FOXP4: variants seen among roughly 807,000 people sequenced by gnomAD.
FOXP4 encodes the protein forkhead box P4, also known as forkhead box protein P4.
In FOXP4, 25 loss-of-function variants were observed where a neutral mutation model predicts 82.6. The ratio of observed to expected loss-of-function variants is 0.30; its 90% confidence interval spans 0.22 to 0.42. The LOEUF is 0.42. FOXP4 is among the 10% of genes least tolerant of loss of function. FOXP4 has a pLI of 1.00. For synonymous variants in FOXP4, 415 were observed against 388.2 expected (o/e 1.07, Z -0.81); for missense variants, 785 against 900.9 (o/e 0.87, Z 1.65).
At position 41,600,492 on chromosome 6, in the gene FOXP4, A is replaced by G. The variant is rs1161234008; in HGVS notation, c.*1556A>G. 6.6e-6 allele frequency: 1 copy of G among 152,254 alleles called. No individual in the cohort carries two copies. The highest frequency in any genetic ancestry group is 1.5e-5 in the Non-Finnish European group (1 of 68,038). The allele number at this position is 152,254 out of a possible 1,614,324, so 9.4% of individuals were successfully genotyped here. On this transcript the variant is annotated 3_prime_UTR_variant, in exon 17 of 17. Transcript: ENST00000307972. The stretch of plus-strand genomic sequence containing the variant: ...TGAGAAGACTCCTTGGATATTTCCC[A>G]AGAACCCCCCACATACACCCCTCAC...
intron 2 of FOXP4, among the ~76,000 whole-genome samples, chr6:41,568,974 G>A (rs1765033723): frequency 1.3e-5 from 2 of 152,176 alleles, no homozygotes; most frequent in Admixed American, 6.5e-5. Flanking sequence ...GCTGGGGGGT[G>A]ACCTGGCTTG....
At position 41,602,014 on chromosome 6, in the gene FOXP4, A is replaced by C. The variant is rs889078170; in HGVS notation, c.*3078A>C. The C allele has an allele frequency of 6.6e-6, 1 of 151,660 alleles. No homozygotes were observed. The highest frequency in any genetic ancestry group is 2.4e-5 in the African/African-American group (1 of 41,222). 9.4% of individuals were successfully genotyped at this position (151,660 alleles called of 1,614,324 possible). On this transcript the variant is annotated 3_prime_UTR_variant, in exon 17 of 17. Transcript: ENST00000307972. The stretch of plus-strand genomic sequence containing the variant: ...GGTGAGTCTTTGCTGACCTCTCTCT[A>C]CTCTCAGGCATGTCTTTTGTCCTTT...
chr6:41,568,254 G>T (rs1764993650), intron 2 of FOXP4, among the ~76,000 whole-genome samples: 1 of 152,162 alleles, frequency 6.6e-6, no homozygotes, highest in Non-Finnish European at 1.5e-5. Context: ...TTTCGTCTCT[G>T]GTGCTTTGGG....
At chr6:41,588,620 TCTC>T (rs1268757839) in intron 8 of FOXP4, 21 bp from the exon 9 acceptor site, 3 of 1,613,100 alleles carry the variant, frequency 1.9e-6, no homozygotes, top group Non-Finnish European at 2.5e-6. Context: ...GCCAACTTTC[TCTC>T]CTCCTCTCTT....
chr6:41,574,946 G>A (rs972666065), intron 2 of FOXP4, among the ~76,000 whole-genome samples: 4 of 150,578 alleles, frequency 2.7e-5, no homozygotes, highest in Non-Finnish European at 4.4e-5. Flanking sequence ...CTTATCATTC[G>A]TGTTTTGTTT....
intron 1 of FOXP4, among the ~76,000 whole-genome samples, chr6:41,563,891 C>T (rs1764731628): frequency 6.6e-6 from 1 of 152,152 alleles, no homozygotes; most frequent in Admixed American, 6.5e-5. Context: ...ATCCATAGGT[C>T]CTGCAGGACA....
At chr6:41,575,542 AG>A (rs1482275445) in intron 2 of FOXP4, among the ~76,000 whole-genome samples, 2 of 94,500 alleles carry the variant, frequency 2.1e-5, no homozygotes, top group African/African-American at 8.2e-5. Flanking sequence ...GGTTGTGGGT[AG>A]GGGGTGTAGG....
intron 1 of FOXP4, among the ~76,000 whole-genome samples, chr6:41,551,641 C>T (rs112183149): frequency 3.6e-4 from 55 of 152,244 alleles, no homozygotes; most frequent in East Asian, 9.6e-4. Flanking sequence ...GAAAATGGGG[C>T]GACATAGTGG....
Position 41,585,414 on chromosome 6 carries a change from C to G in FOXP4, c.424-17C>G. 1 of 1,612,800 alleles carries G rather than the reference C, an allele frequency of 6.2e-7. No individual in the cohort carries two copies. The highest frequency in any genetic ancestry group is 1.7e-5 in the Admixed American group (1 of 59,894). Reference sequence around the variant, plus strand: ...TAGCAGTACCCTGCCAGTGGTAACCCTCCTCCACCCCCCCAGCTACAGGAG... The same window carrying G: ...TAGCAGTACCCTGCCAGTGGTAACCGTCCTCCACCCCCCCAGCTACAGGAG... On this transcript the variant is annotated splice_polypyrimidine_tract_variant and intron_variant, in intron 4 of 16. Transcript: ENST00000307972.
chr6:41,576,045 C>T (rs972969577), intron 2 of FOXP4, among the ~76,000 whole-genome samples: 1 of 149,428 alleles, frequency 6.7e-6, no homozygotes. Context: ...CTTCCTCACC[C>T]GCAACCCCCC....
chr6:41,552,564 CAG>C (rs932036255), intron 1 of FOXP4, among the ~76,000 whole-genome samples: 12 of 152,294 alleles, frequency 7.9e-5, no homozygotes, highest in African/African-American at 2.6e-4. Context: ...ATTGTTCCCT[CAG>C]TGAGTTTTTA....
chr6:41,578,542 C>A (rs759987649), intron 3 of FOXP4, among the ~76,000 whole-genome samples: 7 of 152,018 alleles, frequency 4.6e-5, no homozygotes, highest in Admixed American at 3.3e-4. Context: ...TATCCTCCCC[C>A]CTTATCCCTC....
In FOXP4 at chr6:41,587,122, C is replaced by T. The variant is rs968521489; in HGVS notation, c.624C>T (p.Asn208=). ...AGGGGCTGGTCAGCCTGCAGCCCAA[C>T]CAAGCCTCGGGGCCCCTCCAGACCC... ...QRQGLVSLQP[N]QASGPLQTLP... The change falls in exon 6 of 17, where the codon AAC becomes AAT. Residue 208 remains asparagine (N), a synonymous_variant. Transcript: ENST00000307972. 1.2e-5 allele frequency: 19 copies of T among 1,608,300 alleles called. No homozygotes were observed. In the African/African-American group the frequency reaches 2.5e-4, roughly 21 times the overall value.
chr6:41,553,665 C>T (rs1764122284), intron 1 of FOXP4, among the ~76,000 whole-genome samples: 1 of 152,180 alleles, frequency 6.6e-6, no homozygotes, highest in Non-Finnish European at 1.5e-5. Context: ...CCAGGGGCTT[C>T]TGGTGAGAAA....
chr6:41,582,424 G>GTTAGCC (rs1562033795), intron 3 of FOXP4, among the ~76,000 whole-genome samples: 1 of 152,274 alleles, frequency 6.6e-6, no homozygotes, highest in Admixed American at 6.5e-5. Context: ...CCAAATCCCA[G>GTTAGCC]TTAGCCGACC....
chr6:41,559,816 T>TCACCATC (rs1764466232), intron 1 of FOXP4, among the ~76,000 whole-genome samples: 1 of 152,212 alleles, frequency 6.6e-6, no homozygotes, highest in Non-Finnish European at 1.5e-5. Flanking sequence ...CAGCATCACC[T>TCACCATC]AGGAACTTCT....
At chr6:41,563,703 G>T (rs1764719151) in intron 1 of FOXP4, among the ~76,000 whole-genome samples, 1 of 152,208 alleles carries the variant, frequency 6.6e-6, no homozygotes, top group African/African-American at 2.4e-5. Context: ...GGCTTGCTCT[G>T]TCAGGTGCCA....
chr6:41,591,367 A>G lies in FOXP4; in HGVS notation c.1536+45A>G. 6.8e-7 allele frequency: 1 copy of G among 1,471,048 alleles called. No individual in the cohort carries two copies. The highest frequency in any genetic ancestry group is 1.7e-4 in the Middle Eastern group (1 of 5,842). The allele number at this position is 1,471,048 out of a possible 1,614,324, so 91.1% of individuals were successfully genotyped here. On this transcript the variant is annotated intron_variant, in intron 13 of 16. Coordinates refer to ENST00000307972, the MANE Select transcript of FOXP4 (RefSeq NM_001012426.2). This position sits in a 1 kb window ranked among gnomAD's most constrained non-coding sequence, Gnocchi z 4.2. ...CCTTCTGGGCCCCAGTCACCCTTGG[A>G]CCTGCCATATCCCATGGAGACCAAG... is the stretch of plus-strand genomic sequence containing the variant.
intron 1 of FOXP4, among the ~76,000 whole-genome samples, chr6:41,549,786 A>G (rs1763896312): frequency 6.6e-6 from 1 of 150,652 alleles, no homozygotes; most frequent in African/African-American, 2.5e-5. Flanking sequence ...TTCAGAGGAG[A>G]GTTGTGAGGT....
Sources: gnomAD v4.1 joint callset for allele counts (sites outside exome capture counted in the v4.1 genomes callset) on GRCh38, gnomAD v4.1.1 for gene constraint, Gnocchi (gnomAD v3.1) non-coding constraint, MANE v1.5 for transcripts, NCBI Gene and HGNC (gene_info 2026-07-23, HGNC 2026-07-21) for gene names.